The following WWOX variants were observed in gnomAD, a reference collection of about 807,000 sequenced individuals.
The protein encoded by WWOX is WW domain-containing oxidoreductase.
A neutral mutation model predicts 46.2 loss-of-function variants in WWOX; 69 were observed. The ratio of observed to expected loss-of-function variants is 1.49; its 90% CI spans 1.23 to 1.82. The LOEUF (loss-of-function observed/expected upper bound fraction) is 1.82. Ranked by LOEUF, WWOX falls within the 40% of genes most tolerant of loss-of-function variation. The pLI is 0.00. For missense variants in WWOX, 919 were observed against 542.6 expected (o/e 1.69, Z -6.89); for synonymous variants, 359 against 202.6 (o/e 1.77, Z -6.56).
intron 8 of WWOX, among the ~76,000 whole-genome samples, chr16:78,749,943 G>A (rs1039466477): frequency 6.6e-6 from 1 of 152,256 alleles, no homozygotes; most frequent in South Asian, 2.1e-4. Flanking sequence ...TAAAAGTCTT[G>A]CACTGTTTAC....
chr16:78,443,215 A>G (rs1402297792), intron 8 of WWOX, among the ~76,000 whole-genome samples: 6 of 150,380 alleles, frequency 4.0e-5, no homozygotes, highest in African/African-American at 1.5e-4. Context: ...TGAGACATGA[A>G]AATCACATGA....
chr16:78,254,146 C>T (rs1030649402), intron 5 of WWOX, among the ~76,000 whole-genome samples: 3 of 151,986 alleles, frequency 2.0e-5, no homozygotes, highest in South Asian at 2.1e-4. Context: ...TCATGGCTCA[C>T]TGCAGTCTTA....
chr16:78,489,424 A>G (rs1044468650), intron 8 of WWOX, among the ~76,000 whole-genome samples: 3 of 152,016 alleles, frequency 2.0e-5, no homozygotes, highest in African/African-American at 7.2e-5. Flanking sequence ...CATACATTTC[A>G]GTGTCTACAA....
chr16:78,494,239 C>T (rs2084855325), intron 8 of WWOX, among the ~76,000 whole-genome samples: 1 of 152,122 alleles, frequency 6.6e-6, no homozygotes, highest in Admixed American at 6.5e-5. Flanking sequence ...TAGAAAGCAC[C>T]TCATGATCCC....
intron 8 of WWOX, among the ~76,000 whole-genome samples, chr16:78,831,559 C>T (rs1196437296): frequency 1.3e-5 from 2 of 152,166 alleles, no homozygotes; most frequent in Non-Finnish European, 2.9e-5. Flanking sequence ...CATCAGTGAC[C>T]TGCACACCAG....
intron 8 of WWOX, among the ~76,000 whole-genome samples, chr16:78,832,538 A>C (rs1197571053): frequency 6.6e-6 from 1 of 152,160 alleles, no homozygotes; most frequent in African/African-American, 2.4e-5. Flanking sequence ...CTGCCACTCC[A>C]CACACCCTGA....
intron 8 of WWOX, among the ~76,000 whole-genome samples, chr16:78,882,789 A>C (rs918518910): frequency 6.6e-6 from 1 of 151,594 alleles, no homozygotes; most frequent in African/African-American, 2.4e-5. Context: ...GCACCCGGTT[A>C]TACATCTTAA....
chr16:78,708,785 G>T (rs1264733556), intron 8 of WWOX, among the ~76,000 whole-genome samples: 2 of 152,178 alleles, frequency 1.3e-5, no homozygotes, highest in Non-Finnish European at 2.9e-5. Context: ...AGAGGCATAA[G>T]GCTCCTTGAG....
At position 78,548,177 on chromosome 16, in the gene WWOX, A is replaced by C. The variant is rs1567636464; in HGVS notation, c.1056+115425A>C. 3.2e-5 allele frequency among the ~76,000 whole-genome samples: 3 copies of C among 95,138 alleles called. 1 individual carries two copies. The highest frequency in any genetic ancestry group is 4.9e-5 in the Non-Finnish European group (2 of 40,684). The allele number at this position is 95,138 out of a possible 152,430, so 62.4% of individuals were successfully genotyped here. A position where few individuals can be genotyped will look rare whatever the true frequency, so the allele number is the denominator to read the frequency against. ...CAAAAAAAAAAAAAAAAAAAAAAAAAATTACGAATTTTGCGAGGACGCAAA... is the reference window on the plus strand; with the variant it reads ...CAAAAAAAAAAAAAAAAAAAAAAAACATTACGAATTTTGCGAGGACGCAAA... On this transcript the variant is annotated intron_variant, in intron 8 of 8. Coordinates refer to ENST00000566780, the MANE Select transcript of WWOX (RefSeq NM_016373.4).
At chr16:78,820,274 G>T (rs1156994193) in intron 8 of WWOX, among the ~76,000 whole-genome samples, 3 of 152,194 alleles carry the variant, frequency 2.0e-5, no homozygotes, top group Non-Finnish European at 4.4e-5. Context: ...TGCAGTACCA[G>T]AATGTCCTTT....
intron 8 of WWOX, among the ~76,000 whole-genome samples, chr16:78,745,522 CTTTTTTTTTTTTT>C (rs5818168): frequency 2.2e-5 from 2 of 92,752 alleles, no homozygotes; most frequent in Admixed American, 1.2e-4. Context: ...TGTGGAAATC[CTTTTTTTTTTTTT>C]TTTTTTTTTT....
rs1254625597 is a variant in WWOX, at chr16:78,350,557, G to T, written c.517-36303G>T. Among the ~76,000 whole-genome samples, 2 of 120,692 alleles carry T rather than the reference G, an allele frequency of 1.7e-5. 1 individual carries two copies. Among genetic ancestry groups the T allele is most frequent in the Non-Finnish European group, 4.0e-5 (2 of 50,626 alleles). The allele number at this position is 120,692 out of a possible 152,430, so 79.2% of individuals were successfully genotyped here. On this transcript the variant is annotated intron_variant, in intron 5 of 8. Coordinates refer to ENST00000566780, the MANE Select transcript of WWOX (RefSeq NM_016373.4). ...TTTTCATATAAATAAATCAGATACT[G>T]TGTGGCCCTTTGTGTCTCGATCCTT... is the stretch of plus-strand genomic sequence containing the variant.
chr16:79,185,484 A>C (rs2050994942), intron 8 of WWOX, among the ~76,000 whole-genome samples: 1 of 99,984 alleles, frequency 1.0e-5, no homozygotes, highest in Non-Finnish European at 2.0e-5. Flanking sequence ...TTGTTAGTTA[A>C]AGGAGATGTG....
intron 8 of WWOX, among the ~76,000 whole-genome samples, chr16:78,606,457 GA>G (rs367647334): frequency 5.4e-4 from 79 of 146,792 alleles, no homozygotes; most frequent in African/African-American, 1.9e-3. Flanking sequence ...AAGAAAGAAA[GA>G]AAAAAAAAAG....
rs369106709 is a variant in WWOX at position 78,566,732 on chromosome 16, C to T, written c.1056+133980C>T. ...AGTGACACCAAAGTGGGCTTTACTT[C>T]CTCCTCCTAGAATTCCTGCCAGAAA... On this transcript the variant is annotated intron_variant, in intron 8 of 8. Coordinates refer to ENST00000566780, the MANE Select transcript of WWOX (RefSeq NM_016373.4). Among the ~76,000 whole-genome samples, 6 of 152,292 alleles carry T rather than the reference C, an allele frequency of 3.9e-5. No individual in the cohort carries two copies. The East Asian group carries it at 7.7e-4, about 20-fold the overall frequency.
intron 8 of WWOX, among the ~76,000 whole-genome samples, chr16:78,591,822 C>G (rs2941932): frequency 0.064 from 9,733 of 152,208 alleles, 451 homozygotes; most frequent in East Asian, 0.21. Flanking sequence ...TGACAAAACT[C>G]AAAGAAGATG....
At position 78,691,117 on chromosome 16, in the gene WWOX, G is replaced by C; in HGVS notation, c.1056+258365G>C. The C allele has an allele frequency of 4.7e-6, 3 of 633,988 alleles. 1 individual carries two copies. Among genetic ancestry groups the C allele is most frequent in the South Asian group, 3.7e-5 (2 of 54,316 alleles). The allele number at this position is 633,988 out of a possible 1,614,324, so 39.3% of individuals were successfully genotyped here. The stretch of plus-strand genomic sequence containing the variant: ...AGTAAGAGTGCTTTGAATACCAGTC[G>C]TTATTGCTTTAGAAGTTCATAAAAG... On this transcript the variant is annotated intron_variant, in intron 8 of 8. Coordinates refer to ENST00000566780, the MANE Select transcript of WWOX (RefSeq NM_016373.4).
chr16:78,139,212 A>G (rs996018600), intron 4 of WWOX, among the ~76,000 whole-genome samples: 7 of 152,200 alleles, frequency 4.6e-5, no homozygotes, highest in African/African-American at 1.4e-4. Context: ...TAGGAGAGAG[A>G]TAATCCTAGC....
chr16:78,882,840 A>G (rs1008159185), intron 8 of WWOX, among the ~76,000 whole-genome samples: 1 of 151,926 alleles, frequency 6.6e-6, no homozygotes, highest in Admixed American at 6.6e-5. Context: ...AAAAAAAAAA[A>G]AGGGCATTAA....
Sources: allele counts gnomAD v4.1 joint callset (sites outside exome capture counted in the v4.1 genomes callset), GRCh38; gene constraint gnomAD v4.1.1; transcripts MANE v1.5; gene names NCBI Gene and HGNC (gene_info 2026-07-23, HGNC 2026-07-21).